Variants in SP4 observed in about 807,000 individuals in gnomAD.
SP4 encodes Sp4 transcription factor, also known as transcription factor Sp4.
In SP4, 19 loss-of-function variants were observed where a neutral mutation model predicts 72.8. The observed-to-expected ratio is 0.26, with a 90% CI of 0.18 to 0.38. The LOEUF is 0.38. SP4 is among the 10% of genes least tolerant of loss of function. The pLI is 1.00. For synonymous variants in SP4, 395 were observed against 333.1 expected (o/e 1.19, Z -2.02); for missense variants, 1,008 against 926.3 (o/e 1.09, Z -1.14).
In SP4 at chr7:21,428,702, G is replaced by GGCGGCA. The variant is rs745695841; in HGVS notation, c.45_50dup (p.Ala16_Ala17dup). 25 of 1,554,458 alleles carry GGCGGCA rather than the reference G, an allele frequency of 1.6e-5. No homozygotes were observed. Among genetic ancestry groups the GGCGGCA allele is most frequent in the Admixed American group, 1.2e-4 (6 of 51,412 alleles). The stretch of plus-strand genomic sequence containing the variant: ...ATCAGAAGAAGGAGGAGGAGGAGGA[G>GGCGGCA]GCGGCAGCGGCAGCGGCGATGGCTA... On this transcript the variant is annotated inframe_insertion, in exon 2 of 6. Coordinates refer to ENST00000222584, the MANE Select transcript of SP4 (RefSeq NM_003112.5).
intron 5 of SP4, among the ~76,000 whole-genome samples, chr7:21,495,541 T>G (rs1781684436): frequency 6.6e-6 from 1 of 152,118 alleles, no homozygotes; most frequent in Admixed American, 6.5e-5. Flanking sequence ...AATGCAATAC[T>G]ACTGTACACC....
rs561101627 is a variant in SP4, at chr7:21,486,035, G to C, written c.2107+3912G>C. 3.6e-4 allele frequency among the ~76,000 whole-genome samples: 54 copies of C among 151,982 alleles called. 1 individual carries two copies. In the South Asian group the frequency reaches 0.011, roughly 31 times the overall value. On this transcript the variant is annotated intron_variant, in intron 5 of 5. Transcript: ENST00000222584. The stretch of plus-strand genomic sequence containing the variant: ...CTTGGGGAAATAAATTTGTCTAAAG[G>C]ATTCTTTATTTTCTCTTTCTGCTTA...
intron 3 of SP4, among the ~76,000 whole-genome samples, chr7:21,437,608 G>T (rs770257469): frequency 2.2e-4 from 34 of 152,148 alleles, no homozygotes; most frequent in Non-Finnish European, 4.4e-4. Context: ...GATTCAGAGT[G>T]ATCTTAATAG....
chr7:21,500,709 A>C (rs1390099811), intron 5 of SP4, among the ~76,000 whole-genome samples: 1 of 152,208 alleles, frequency 6.6e-6, no homozygotes, highest in Non-Finnish European at 1.5e-5. Flanking sequence ...ACAGCAGGGC[A>C]CGTTTCCCCT....
At position 21,430,293 on chromosome 7, in the gene SP4, T is replaced by G; in HGVS notation, c.1128T>G (p.Ser376Arg). The change falls in exon 3 of 6, where the codon AGT becomes AGG. Residue 376 changes from serine (S) to arginine (R), a missense_variant. Ser to Arg is a moderately radical substitution (Grantham distance 110). Coordinates refer to ENST00000222584, the MANE Select transcript of SP4 (RefSeq NM_003112.5). Reference protein sequence around the residue: ...AATESEAQSSSQLQPNGMQNA... With the variant: ...AATESEAQSSRQLQPNGMQNA... ...CTGAGTCTGAAGCCCAGAGCTCCAG[T>G]CAGCTTCAGCCTAATGGAATGCAGA... The G allele has an allele frequency of 6.2e-7, 1 of 1,614,224 alleles. No homozygotes were observed. Among genetic ancestry groups the G allele is most frequent in the Non-Finnish European group, 8.5e-7 (1 of 1,180,036 alleles).
intron 3 of SP4, among the ~76,000 whole-genome samples, chr7:21,443,861 T>C (rs1173555859): frequency 6.6e-6 from 1 of 152,252 alleles, no homozygotes; most frequent in Non-Finnish European, 1.5e-5. Context: ...AATATTTAAA[T>C]CTACATATGA....
intron 5 of SP4, among the ~76,000 whole-genome samples, chr7:21,502,234 C>T (rs1781889469): frequency 1.3e-5 from 2 of 151,962 alleles, no homozygotes; most frequent in Non-Finnish European, 2.9e-5. Context: ...TCCTTTTTTC[C>T]CACAGTACCA....
intron 5 of SP4, among the ~76,000 whole-genome samples, chr7:21,489,957 TTTTCTTATA>T (rs1490659120): frequency 2.0e-5 from 3 of 152,170 alleles, no homozygotes; most frequent in Non-Finnish European, 4.4e-5. Flanking sequence ...AGCCCCAGAA[TTTTCTTATA>T]TAAATGTTTT....
intron 5 of SP4, chr7:21,482,708 A>T: frequency 1.0e-6 from 1 of 978,602 alleles, no homozygotes. Context: ...GTACACTTTT[A>T]ATACTCTGAC....
At chr7:21,502,945 G>T (rs1218583268) in intron 5 of SP4, among the ~76,000 whole-genome samples, 6 of 152,018 alleles carry the variant, frequency 3.9e-5, no homozygotes, top group Non-Finnish European at 8.8e-5. Context: ...GGGTTCCTTA[G>T]GTGACCCATG....
intron 3 of SP4, among the ~76,000 whole-genome samples, chr7:21,449,542 T>C (rs183005359): frequency 1.5e-4 from 23 of 152,292 alleles, no homozygotes; most frequent in Non-Finnish European, 2.5e-4. Flanking sequence ...TATGCGTGTA[T>C]AGGTAAATAT....
intron 3 of SP4, among the ~76,000 whole-genome samples, chr7:21,432,678 A>C (rs113225844): frequency 1.3e-5 from 2 of 152,180 alleles, no homozygotes; most frequent in African/African-American, 4.8e-5. Flanking sequence ...CCTTTCAAAC[A>C]AACTTTCCAG....
In SP4 at chr7:21,430,762, C is replaced by G; in HGVS notation, c.1597C>G (p.Leu533Val). 6.2e-7 allele frequency: 1 copy of G among 1,614,220 alleles called. No individual in the cohort carries two copies. The highest frequency in any genetic ancestry group is 8.5e-7 in the Non-Finnish European group (1 of 1,180,036). Residue 533 changes from leucine (L) to valine (V), a missense_variant, in exon 3 of 6, where the codon CTT (leucine) becomes GTT (valine). Transcript: ENST00000222584. ...TGCCCAGCTTGCATCAGTGCCTAAC[C>G]TTCAGACAGTGAGCGTTGCCAACCT... ...NTAQLASVPN[L>V]QTVSVANLGA...
At chr7:21,459,520 C>CT (rs1783885738) in intron 3 of SP4, among the ~76,000 whole-genome samples, 1 of 152,108 alleles carries the variant, frequency 6.6e-6, no homozygotes, top group Admixed American at 6.5e-5. Context: ...ACCATAAACT[C>CT]TTTGTGTTTT....
chr7:21,451,228 C>T (rs894422754), intron 3 of SP4, among the ~76,000 whole-genome samples: 1 of 152,216 alleles, frequency 6.6e-6, no homozygotes, highest in Non-Finnish European at 1.5e-5. Context: ...CTTGAGCTCA[C>T]TCGTCCAACT....
In SP4 at chr7:21,511,129, C is replaced by G; in HGVS notation, c.2215C>G (p.Leu739Val). ...GAATAAAAAAGGTGGTGGGACAGCT[C>G]TTGCCATTGTTACCTCGGGAGAACT... is the stretch of plus-strand genomic sequence containing the variant. The part of the protein sequence containing the change: ...HQNKKGGGTA[L>V]AIVTSGELDS... The change falls in exon 6 of 6, where the codon CTT (leucine) becomes GTT (valine). Residue 739 changes from leucine (L) to valine (V), a missense_variant. Leu to Val is a conservative substitution (Grantham distance 32). Coordinates refer to ENST00000222584, the MANE Select transcript of SP4 (RefSeq NM_003112.5). 6.2e-7 allele frequency: 1 copy of G among 1,614,198 alleles called. No homozygotes were observed. The highest frequency in any genetic ancestry group is 8.5e-7 in the Non-Finnish European group (1 of 1,180,028).
At chr7:21,446,029 T>TGTGC (rs1491318110) in intron 3 of SP4, among the ~76,000 whole-genome samples, 8 of 140,124 alleles carry the variant, frequency 5.7e-5, no homozygotes, top group South Asian at 4.7e-4. Context: ...TGTGTGTGTG[T>TGTGC]GCACGCATAT....
chr7:21,479,455 A>G (rs1431751518), intron 4 of SP4, among the ~76,000 whole-genome samples: 3 of 152,128 alleles, frequency 2.0e-5, no homozygotes, highest in Non-Finnish European at 4.4e-5. Flanking sequence ...ACATGGATTT[A>G]TTTCTGGACT....
At chr7:21,465,433 A>C (rs914823698) in intron 3 of SP4, among the ~76,000 whole-genome samples, 4 of 152,206 alleles carry the variant, frequency 2.6e-5, no homozygotes, top group African/African-American at 9.7e-5. Context: ...TAGCTTTGCC[A>C]CTTAATAGCA....
Sources: allele counts gnomAD v4.1 joint callset (sites outside exome capture counted in the v4.1 genomes callset), GRCh38; gene constraint gnomAD v4.1.1; transcripts MANE v1.5; gene names NCBI Gene and HGNC (gene_info 2026-07-23, HGNC 2026-07-21).